Variants in DDAH1 observed in about 807,000 individuals in gnomAD.
DDAH1 encodes dimethylarginine dimethylaminohydrolase 1, also known as N(G),N(G)-dimethylarginine dimethylaminohydrolase 1.
A neutral mutation model predicts 28.8 loss-of-function variants in DDAH1; 19 were observed. That is an observed-to-expected ratio of 0.66 (90% confidence interval 0.46 to 0.97). The LOEUF (loss-of-function observed/expected upper bound fraction) is 0.97, where lower values mean the gene tolerates loss of function less well. Among genes scored for constraint, DDAH1 ranks in the 50% least tolerant of loss-of-function variants. The probability of loss-of-function intolerance (pLI) is 0.00; values close to 1 mark genes in which losing one functional copy is unlikely to be tolerated. For synonymous variants in DDAH1, 153 were observed against 154.4 expected (o/e 0.99, Z 0.07); for missense variants, 326 against 375.9 (o/e 0.87, Z 1.10).
rs139033915 is a variant in DDAH1 at position 85,509,969 on chromosome 1, A to C, written c.-122-13688T>G. On this transcript the variant is annotated intron_variant, in intron 1 of 6. Transcript: ENST00000426972. Reference sequence around the variant, plus strand: ...ACCTAGCAAGGCAGGCCAACATTCAAATTCAGGAAATAGAGAAAACACCAC... The same window carrying C: ...ACCTAGCAAGGCAGGCCAACATTCACATTCAGGAAATAGAGAAAACACCAC... 7.2e-3 allele frequency among the ~76,000 whole-genome samples: 1,104 copies of C among 152,294 alleles called. 15 individuals carry two copies. Among genetic ancestry groups the C allele is most frequent in the African/African-American group, 0.025 (1,048 of 41,552 alleles).
intron 2 of DDAH1, among the ~76,000 whole-genome samples, chr1:85,486,485 T>C (rs988004214): frequency 6.6e-6 from 1 of 152,210 alleles, no homozygotes; most frequent in Admixed American, 6.5e-5. Context: ...CAAGGCACTT[T>C]TCCTAAGCCT....
chr1:85,339,062 A>AAT lies in DDAH1; in HGVS notation c.597+11351_597+11352dup, dbSNP rs1553123153. Among the ~76,000 whole-genome samples, 570 of 133,642 alleles carry AAT rather than the reference A, an allele frequency of 4.3e-3. 20 individuals carry two copies. The highest frequency in any genetic ancestry group is 0.018 in the Middle Eastern group (5 of 272). 87.7% of individuals were successfully genotyped at this position (133,642 alleles called of 152,430 possible). A position where few individuals can be genotyped will look rare whatever the true frequency, so the allele number is the denominator to read the frequency against. On this transcript the variant is annotated intron_variant, in intron 4 of 5. Coordinates refer to ENST00000284031, the MANE Select transcript of DDAH1 (RefSeq NM_012137.4). ...ACTCCGTCTCAAAAAAAAAAAAAAA[A>AAT]ATATATATATATATGATCTTCACAC...
At chr1:85,358,900 A>C in intron 1 of DDAH1, 53 bp from the exon 2 acceptor site, 1 of 1,332,554 alleles carries the variant, frequency 7.5e-7, no homozygotes, top group Non-Finnish European at 1.1e-6. Flanking sequence ...CTAACAAGAA[A>C]AAAACATCCA....
At chr1:85,564,595 C>T (rs1659238201) in intron 1 of DDAH1, among the ~76,000 whole-genome samples, 1 of 152,134 alleles carries the variant, frequency 6.6e-6, no homozygotes, top group Non-Finnish European at 1.5e-5. Context: ...AAGCCAGGTG[C>T]AGTGGTTCAT....
chr1:85,437,637 G>T (rs1264907066), intron 1 of DDAH1, among the ~76,000 whole-genome samples: 1 of 152,112 alleles, frequency 6.6e-6, no homozygotes, highest in Admixed American at 6.6e-5. Context: ...TATGTTATTG[G>T]TAAGGCTTCC....
chr1:85,403,209 ATGAATATGTATG>A, intron 1 of DDAH1, among the ~76,000 whole-genome samples: 1 of 141,714 alleles, frequency 7.1e-6, no homozygotes, highest in East Asian at 2.1e-4. Flanking sequence ...GAATATATAT[ATGAATATGTATG>A]TGAATATATA....
intron 1 of DDAH1, among the ~76,000 whole-genome samples, chr1:85,557,235 T>C (rs1016245355): frequency 1.3e-5 from 2 of 152,248 alleles, no homozygotes; most frequent in African/African-American, 4.8e-5. Flanking sequence ...TTTACCACTA[T>C]ATCTCCTGTG....
intron 1 of DDAH1, among the ~76,000 whole-genome samples, chr1:85,367,897 A>G (rs1368064418): frequency 6.6e-6 from 1 of 152,150 alleles, no homozygotes; most frequent in Admixed American, 6.5e-5. Flanking sequence ...TTCTTAATAT[A>G]TAAGATTTTT....
chr1:85,429,984 T>A (rs1179968746), intron 1 of DDAH1, among the ~76,000 whole-genome samples: 1 of 152,242 alleles, frequency 6.6e-6, no homozygotes, highest in Non-Finnish European at 1.5e-5. Flanking sequence ...TAGTTTCTTT[T>A]GCTGTGCAGA....
Position 85,421,462 on chromosome 1 carries a change from G to A in DDAH1, c.303+43281C>T, listed in dbSNP as rs953619976. Among the ~76,000 whole-genome samples the A allele has an allele frequency of 5.3e-5, 8 of 152,096 alleles. No individual in the cohort carries two copies. The East Asian group carries it at 1.2e-3, about 22-fold the overall frequency. ...TTCTGGGACTCCCAACCTCCTGAAT[G>A]ATTTTTTTTTTAAGTTTGCATACAT... On this transcript the variant is annotated intron_variant, in intron 1 of 5. Coordinates refer to ENST00000284031, the MANE Select transcript of DDAH1 (RefSeq NM_012137.4).
chr1:85,556,079 G>GCCTCCTCCTCCT (rs1342845650), intron 1 of DDAH1, among the ~76,000 whole-genome samples: 15 of 110,298 alleles, frequency 1.4e-4, no homozygotes, highest in South Asian at 5.0e-4. Flanking sequence ...CACCGCCGCC[G>GCCTCCTCCTCCT]CCTCCTCCTC....
intron 1 of DDAH1, among the ~76,000 whole-genome samples, chr1:85,506,398 C>G (rs932181236): frequency 6.6e-6 from 1 of 152,160 alleles, no homozygotes; most frequent in Admixed American, 6.5e-5. Context: ...AAATAAATGA[C>G]CATTAGCATT....
intron 1 of DDAH1, among the ~76,000 whole-genome samples, chr1:85,388,776 T>A (rs1651402553): frequency 6.6e-6 from 1 of 152,168 alleles, no homozygotes; most frequent in South Asian, 2.1e-4. Flanking sequence ...AGTGTCACCT[T>A]CACTGTGCTC....
intron 1 of DDAH1, among the ~76,000 whole-genome samples, chr1:85,558,635 A>C (rs1659052284): frequency 6.6e-6 from 1 of 152,130 alleles, no homozygotes; most frequent in African/African-American, 2.4e-5. Context: ...TTTCTTTTCT[A>C]TATACTCATT....
At chr1:85,333,193 C>G (rs766134398) in intron 4 of DDAH1, among the ~76,000 whole-genome samples, 1 of 152,200 alleles carries the variant, frequency 6.6e-6, no homozygotes, top group Non-Finnish European at 1.5e-5. Context: ...GCAGCCTACG[C>G]CACTGAGGAA....
intron 2 of DDAH1, chr1:85,488,347 G>A (rs908441120): frequency 3.9e-5 from 6 of 152,184 alleles, no homozygotes; most frequent in Non-Finnish European, 7.3e-5. Context: ...ATTCTGGTGA[G>A]GGCTCTCTTC....
chr1:85,409,541 A>G (rs1009962485), intron 1 of DDAH1, among the ~76,000 whole-genome samples: 3 of 152,018 alleles, frequency 2.0e-5, no homozygotes, highest in South Asian at 2.1e-4. Context: ...TCTACGTCAC[A>G]CTTCTATGCT....
chr1:85,532,792 G>C (rs1658135600), intron 1 of DDAH1, among the ~76,000 whole-genome samples: 1 of 152,188 alleles, frequency 6.6e-6, no homozygotes, highest in South Asian at 2.1e-4. Flanking sequence ...GTGATCATTT[G>C]CTTTTTGCAA....
At chr1:85,473,021 C>T (rs1655671774) in intron 2 of DDAH1, among the ~76,000 whole-genome samples, 1 of 152,184 alleles carries the variant, frequency 6.6e-6, no homozygotes, top group African/African-American at 2.4e-5. Context: ...TAATGACCTC[C>T]AGCTGCATCC....
Sources: allele counts gnomAD v4.1 joint callset (sites outside exome capture counted in the v4.1 genomes callset), GRCh38; gene constraint gnomAD v4.1.1; transcripts MANE v1.5; gene names NCBI Gene and HGNC (gene_info 2026-07-23, HGNC 2026-07-21).